The following BAIAP2 variants were observed in gnomAD, a reference collection of about 807,000 sequenced individuals.
The protein encoded by BAIAP2 is BAR/IMD domain containing adaptor protein 2.
In BAIAP2, 18 loss-of-function variants were observed where a neutral mutation model predicts 63.0. The ratio of observed to expected loss-of-function variants is 0.29; its 90% CI spans 0.20 to 0.42. The LOEUF (loss-of-function observed/expected upper bound fraction) is 0.42, where lower values mean the gene tolerates loss of function less well. Among genes scored for constraint, BAIAP2 ranks in the 10% least tolerant of loss-of-function variants. The probability of loss-of-function intolerance (pLI) is 1.00; values close to 1 mark genes in which losing one functional copy is unlikely to be tolerated. For synonymous variants in BAIAP2, 386 were observed against 307.6 expected (o/e 1.25, Z -2.67); for missense variants, 610 against 734.3 (o/e 0.83, Z 1.96).
intron 3 of BAIAP2, among the ~76,000 whole-genome samples, chr17:81,077,981 G>T (rs2053952900): frequency 6.7e-6 from 1 of 148,752 alleles, no homozygotes; most frequent in Non-Finnish European, 1.5e-5. Context: ...CGCTGTGGGT[G>T]CAGGTTCCAC....
At chr17:81,079,265 A>G (rs556760671) in intron 3 of BAIAP2, among the ~76,000 whole-genome samples, 208 of 152,226 alleles carry the variant, frequency 1.4e-3, no homozygotes, top group African/African-American at 4.9e-3. Flanking sequence ...ACCTGTCCAC[A>G]GGAGGCTGGG....
chr17:81,077,264 C>T (rs898193045), intron 3 of BAIAP2, among the ~76,000 whole-genome samples: 8 of 152,042 alleles, frequency 5.3e-5, no homozygotes, highest in Non-Finnish European at 7.4e-5. Context: ...ATCCCCACAC[C>T]GGCCACAGTC....
intron 3 of BAIAP2, among the ~76,000 whole-genome samples, chr17:81,075,383 G>A (rs534878895): frequency 3.3e-5 from 5 of 152,164 alleles, no homozygotes; most frequent in Non-Finnish European, 7.4e-5. Context: ...GGGCATCCCC[G>A]GTTTGGCCTC....
intron 13 of BAIAP2, 84 bp downstream of exon 13, chr17:81,108,593 G>A (rs2059459390): frequency 1.3e-6 from 2 of 1,544,400 alleles, no homozygotes; most frequent in Non-Finnish European, 1.8e-6. Context: ...CTAGGACCTG[G>A]GGCCACCTCT....
chr17:81,086,294 A>C, intron 5 of BAIAP2, 149 bp from the exon 6 acceptor site: 1 of 983,094 alleles, frequency 1.0e-6, no homozygotes, highest in Admixed American at 2.1e-5. Flanking sequence ...CTGAGCATGC[A>C]CGGCCAGAGA....
chr17:81,052,315 A>G (rs1431674466), intron 1 of BAIAP2, among the ~76,000 whole-genome samples: 1 of 151,976 alleles, frequency 6.6e-6, no homozygotes, highest in Non-Finnish European at 1.5e-5. Flanking sequence ...CCCTCGGGAG[A>G]TGTTGGCTCT....
intron 2 of BAIAP2, among the ~76,000 whole-genome samples, chr17:81,055,209 T>G (rs1010664791): frequency 6.6e-6 from 1 of 152,184 alleles, no homozygotes. Flanking sequence ...TTTTACCACC[T>G]TTACTCCGTT....
At chr17:81,093,384 A>G (rs947474877) in intron 6 of BAIAP2, among the ~76,000 whole-genome samples, 6 of 149,792 alleles carry the variant, frequency 4.0e-5, no homozygotes, top group Non-Finnish European at 9.0e-5. Flanking sequence ...GCTTTTCTGG[A>G]CAGAGATGCC....
chr17:81,043,428 G>T (rs111475218), intron 1 of BAIAP2, among the ~76,000 whole-genome samples: 6 of 152,360 alleles, frequency 3.9e-5, no homozygotes, highest in African/African-American at 1.4e-4. Context: ...GCCCCAGGCC[G>T]TGGAGCAGAG....
intron 2 of BAIAP2, among the ~76,000 whole-genome samples, chr17:81,055,508 G>A (rs1410478515): frequency 1.3e-5 from 2 of 151,288 alleles, no homozygotes; most frequent in Non-Finnish European, 2.9e-5. Flanking sequence ...TGCACCCGAG[G>A]GACCTGCTCA....
At chr17:81,058,608 G>A (rs565151069) in intron 3 of BAIAP2, among the ~76,000 whole-genome samples, 269 of 152,312 alleles carry the variant, frequency 1.8e-3, no homozygotes, top group East Asian at 4.1e-3. Flanking sequence ...ACCCCGGGCC[G>A]GCTGCCTGTG....
intron 3 of BAIAP2, among the ~76,000 whole-genome samples, chr17:81,069,075 C>T (rs2052060943): frequency 6.6e-6 from 1 of 152,110 alleles, no homozygotes. Flanking sequence ...TGCGCTGGGT[C>T]CTCCGGCTGT....
At chr17:81,057,798 C>A in intron 2 of BAIAP2, 83 bp from the exon 3 acceptor site, 1 of 1,520,568 alleles carries the variant, frequency 6.6e-7, no homozygotes, top group Non-Finnish European at 8.9e-7. Context: ...TGGGCCTGTG[C>A]GTGCCAAGAC....
At chr17:81,106,666 C>T in intron 11 of BAIAP2, 79 bp from the exon 12 acceptor site, 2 of 1,549,722 alleles carry the variant, frequency 1.3e-6, no homozygotes, top group South Asian at 2.3e-5. Flanking sequence ...TGAGGGCGGG[C>T]AGTCCAGGGA....
intron 3 of BAIAP2, among the ~76,000 whole-genome samples, chr17:81,068,765 G>A (rs762249412): frequency 1.2e-4 from 18 of 152,296 alleles, no homozygotes; most frequent in Non-Finnish European, 1.8e-4. Context: ...GGGGGACTCC[G>A]GTCCCAGGGA....
At chr17:81,108,825 C>A in intron 13 of BAIAP2, 1 of 1,324,566 alleles carries the variant, frequency 7.5e-7, no homozygotes, top group Non-Finnish European at 1.0e-6. Context: ...AATCTGTGCT[C>A]CGCCCTTGTC....
At chr17:81,066,975 T>C (rs1273036011) in intron 3 of BAIAP2, among the ~76,000 whole-genome samples, 2 of 152,216 alleles carry the variant, frequency 1.3e-5, no homozygotes, top group Non-Finnish European at 1.5e-5. Flanking sequence ...CAGACACCAT[T>C]TGAAGGCCTT....
In BAIAP2 at chr17:81,057,969, T is replaced by TGGGGGGGGGGGGG; in HGVS notation, c.217+3_217+4insGGGGGGGGGGGGG. 4 of 964,862 alleles carry TGGGGGGGGGGGGG rather than the reference T, an allele frequency of 4.1e-6. No individual in the cohort carries two copies. Among genetic ancestry groups the TGGGGGGGGGGGGG allele is most frequent in the Non-Finnish European group, 5.6e-6 (4 of 713,586 alleles). 59.8% of individuals were successfully genotyped at this position (964,862 alleles called of 1,614,324 possible). Reference sequence around the variant, plus strand: ...AGAGCCAGGGCTCCAAAGAACTCGGTGAGACCCCCCCCCCCCCCCCGCCTG... The same window carrying TGGGGGGGGGGGGG: ...AGAGCCAGGGCTCCAAAGAACTCGGTGGGGGGGGGGGGGGAGACCCCCCCCCCCCCCCCGCCTG... On this transcript the variant is annotated splice_region_variant and intron_variant, in intron 3 of 13. Transcript: ENST00000428708.
intron 1 of BAIAP2, among the ~76,000 whole-genome samples, chr17:81,049,011 C>T (rs1039373673): frequency 1.3e-5 from 2 of 152,254 alleles, no homozygotes; most frequent in South Asian, 2.1e-4. Context: ...CCCAGGACCC[C>T]CCCTGGGGTG....
Sources: allele counts gnomAD v4.1 joint callset (sites outside exome capture counted in the v4.1 genomes callset), GRCh38; gene constraint gnomAD v4.1.1; transcripts MANE v1.5; gene names NCBI Gene and HGNC (gene_info 2026-07-23, HGNC 2026-07-21).